The following SCFD2 variants were observed in gnomAD, a reference collection of about 807,000 sequenced individuals.
SCFD2 encodes the protein sec1 family domain-containing protein 2.
A neutral mutation model predicts 58.9 loss-of-function variants in SCFD2; 54 were observed. The observed-to-expected ratio is 0.92, with a 90% CI of 0.74 to 1.15. The LOEUF (loss-of-function observed/expected upper bound fraction) is 1.15, where lower values mean the gene tolerates loss of function less well. SCFD2 is among the 50% of genes most tolerant of loss of function. The pLI is 0.00. For missense variants in SCFD2, 805 were observed against 836.6 expected, an observed-to-expected ratio of 0.96 and a Z score of 0.47; for synonymous variants, 321 against 335.9, an observed-to-expected ratio of 0.96 and a Z score of 0.49.
chr4:53,291,178 A>G (rs1731828341), intron 3 of SCFD2, among the ~76,000 whole-genome samples: 1 of 152,170 alleles, frequency 6.6e-6, no homozygotes, highest in South Asian at 2.1e-4. Context: ...TCTGATGCAC[A>G]TTGATGTAAA....
At chr4:52,923,275 G>A (rs752816028) in intron 5 of SCFD2, among the ~76,000 whole-genome samples, 6 of 151,984 alleles carry the variant, frequency 3.9e-5, no homozygotes, top group Non-Finnish European at 8.8e-5. Context: ...TCAGGAGTTC[G>A]AGACCAGCCT....
chr4:53,231,234 G>A (rs1168483944), intron 4 of SCFD2, among the ~76,000 whole-genome samples: 1 of 152,000 alleles, frequency 6.6e-6, no homozygotes, highest in Admixed American at 6.6e-5. Context: ...AGATGCTCAC[G>A]ATCTGTGCTG....
intron 6 of SCFD2, among the ~76,000 whole-genome samples, chr4:52,918,919 C>T (rs1457633678): frequency 2.0e-5 from 3 of 152,120 alleles, no homozygotes; most frequent in South Asian, 2.1e-4. Flanking sequence ...TTTATTTAAT[C>T]CCCCCAATGT....
chr4:52,903,318 G>C, intron 7 of SCFD2, among the ~76,000 whole-genome samples: 1 of 152,176 alleles, frequency 6.6e-6, no homozygotes, highest in Non-Finnish European at 1.5e-5. Flanking sequence ...GTTACCTACA[G>C]ATGAAATAAT....
intron 5 of SCFD2, among the ~76,000 whole-genome samples, chr4:53,087,288 C>T (rs894338873): frequency 6.6e-6 from 1 of 152,158 alleles, no homozygotes; most frequent in Non-Finnish European, 1.5e-5. Context: ...TTCTACAAAA[C>T]ATAGAAGGTA....
At chr4:52,906,506 T>G (rs531214394) in intron 7 of SCFD2, among the ~76,000 whole-genome samples, 1 of 152,262 alleles carries the variant, frequency 6.6e-6, no homozygotes, top group Admixed American at 6.5e-5. Flanking sequence ...CTGATTACAC[T>G]GCTTTATTAA....
At chr4:53,347,467 G>T (rs1047090146) in intron 2 of SCFD2, among the ~76,000 whole-genome samples, 11 of 151,978 alleles carry the variant, frequency 7.2e-5, no homozygotes, top group Admixed American at 2.0e-4. Flanking sequence ...AGTAGAGGAA[G>T]AAACCAAAAT....
intron 4 of SCFD2, among the ~76,000 whole-genome samples, chr4:53,202,008 G>A (rs1728257704): frequency 6.6e-6 from 1 of 152,162 alleles, no homozygotes; most frequent in South Asian, 2.1e-4. Flanking sequence ...TTCTTCTGCT[G>A]TGCAGAAGCT....
At chr4:53,224,249 C>T (rs542284969) in intron 4 of SCFD2, among the ~76,000 whole-genome samples, 12 of 152,000 alleles carry the variant, frequency 7.9e-5, no homozygotes, top group African/African-American at 2.7e-4. Flanking sequence ...ATTACCCAGG[C>T]GTGGTGGCAT....
intron 3 of SCFD2, among the ~76,000 whole-genome samples, chr4:53,303,032 T>G (rs557102362): frequency 1.3e-5 from 2 of 152,162 alleles, no homozygotes; most frequent in Admixed American, 1.3e-4. Context: ...ATTCAGGACA[T>G]AGGCATGGGC....
intron 8 of SCFD2, among the ~76,000 whole-genome samples, chr4:52,878,043 A>G (rs1318794586): frequency 6.6e-6 from 1 of 151,926 alleles, no homozygotes; most frequent in Non-Finnish European, 1.5e-5. Context: ...CCCCTCCTCC[A>G]TTGCCCTTCA....
At chr4:52,994,964 A>C (rs1046961928) in intron 5 of SCFD2, among the ~76,000 whole-genome samples, 13 of 152,210 alleles carry the variant, frequency 8.5e-5, no homozygotes, top group African/African-American at 3.1e-4. Context: ...TGTAGGAAAG[A>C]AAGCAAACTG....
At chr4:53,223,557 G>A (rs1178676011) in intron 4 of SCFD2, among the ~76,000 whole-genome samples, 3 of 152,160 alleles carry the variant, frequency 2.0e-5, no homozygotes, top group African/African-American at 7.2e-5. Flanking sequence ...AGTTCCCATT[G>A]TCTTGCATGT....
At chr4:53,236,852 A>AT (rs869043344) in intron 4 of SCFD2, among the ~76,000 whole-genome samples, 3 of 107,660 alleles carry the variant, frequency 2.8e-5, no homozygotes, top group Admixed American at 9.7e-5. Flanking sequence ...TTATTTATTT[A>AT]TTTTTTATTG....
chr4:52,896,084 T>G (rs1719003168), intron 7 of SCFD2, among the ~76,000 whole-genome samples: 1 of 152,172 alleles, frequency 6.6e-6, no homozygotes. Context: ...ATGAGTAGAT[T>G]GCAAAAATTT....
chr4:53,350,832 C>T (rs1734196328), intron 2 of SCFD2, among the ~76,000 whole-genome samples: 1 of 152,178 alleles, frequency 6.6e-6, no homozygotes. Context: ...GCCTCAGCCT[C>T]CTGAGTAGCT....
chr4:53,118,352 T>A (rs1287192952), intron 5 of SCFD2, among the ~76,000 whole-genome samples: 1 of 152,148 alleles, frequency 6.6e-6, no homozygotes, highest in African/African-American at 2.4e-5. Flanking sequence ...GTGACATAAG[T>A]CATATTGGTG....
chr4:53,237,043 T>C (rs898101629), intron 4 of SCFD2, among the ~76,000 whole-genome samples: 3 of 149,212 alleles, frequency 2.0e-5, no homozygotes, highest in Non-Finnish European at 4.5e-5. Context: ...TGATGACTCT[T>C]AACGAGCATG....
chr4:53,218,714 C>T (rs9998430), intron 4 of SCFD2, among the ~76,000 whole-genome samples: 13,929 of 152,192 alleles, frequency 0.092, 1,091 homozygotes, highest in South Asian at 0.21. Flanking sequence ...GGGGGAGAGG[C>T]GCTCTGATTT....
Sources: allele counts gnomAD v4.1 joint callset (sites outside exome capture counted in the v4.1 genomes callset), GRCh38; gene constraint gnomAD v4.1.1; transcripts MANE v1.5; gene names NCBI Gene and HGNC (gene_info 2026-07-23, HGNC 2026-07-21).